The following SHISA6 variants were observed in gnomAD, a reference collection of about 807,000 sequenced individuals.
The protein encoded by SHISA6 is shisa family member 6.
Under a neutral mutation model 47.9 loss-of-function variants are expected in SHISA6, and 22 were observed. That is an observed-to-expected ratio of 0.46 (90% CI 0.33 to 0.66). SHISA6 has a LOEUF of 0.66. Ranked by LOEUF, SHISA6 falls within the 30% of genes least tolerant of loss-of-function variation. The pLI, the probability that SHISA6 is intolerant of heterozygous loss-of-function variation, is 0.02. For missense variants in SHISA6, 680 were observed against 764.6 expected, an observed-to-expected ratio of 0.89 and a Z score of 1.30; for synonymous variants, 388 against 337.8, an observed-to-expected ratio of 1.15 and a Z score of -1.63.
intron 2 of SHISA6, among the ~76,000 whole-genome samples, chr17:11,313,480 C>T (rs1184132326): frequency 2.0e-5 from 3 of 152,046 alleles, no homozygotes; most frequent in African/African-American, 7.2e-5. Flanking sequence ...TAAAGGTATT[C>T]TAGGGACATG....
In SHISA6 at chr17:11,477,272, T is replaced by C. The variant is rs559737399; in HGVS notation, c.896-74624T>C. On this transcript the variant is annotated intron_variant, in intron 3 of 5. Coordinates refer to ENST00000441885, the MANE Select transcript of SHISA6 (RefSeq NM_207386.4). ...CATTGATGTACAAAGCAATTACTGA[T>C]ATAGTTGGATTAGTATCTACCATAT... 1.8e-4 allele frequency among the ~76,000 whole-genome samples: 28 copies of C among 152,264 alleles called. 1 individual carries two copies. The South Asian group carries it at 5.6e-3, about 30-fold the overall frequency.
At chr17:11,366,737 G>T (rs1912463886) in intron 2 of SHISA6, among the ~76,000 whole-genome samples, 1 of 152,152 alleles carries the variant, frequency 6.6e-6, no homozygotes, top group Non-Finnish European at 1.5e-5. Flanking sequence ...GGGAGGAGAA[G>T]ATGAAGAGAG....
At chr17:11,447,691 G>A (rs1202045719) in intron 3 of SHISA6, among the ~76,000 whole-genome samples, 1 of 152,232 alleles carries the variant, frequency 6.6e-6, no homozygotes, top group Non-Finnish European at 1.5e-5. Context: ...TCACTCGGAT[G>A]GATTGACAGC....
intron 2 of SHISA6, among the ~76,000 whole-genome samples, chr17:11,304,637 C>T (rs543424932): frequency 6.6e-6 from 1 of 152,224 alleles, no homozygotes; most frequent in South Asian, 2.1e-4. Flanking sequence ...GGGACCACAG[C>T]ACCCTTTAGG....
intron 3 of SHISA6, among the ~76,000 whole-genome samples, chr17:11,539,385 A>G (rs952798268): frequency 2.0e-5 from 3 of 152,250 alleles, no homozygotes; most frequent in African/African-American, 7.2e-5. Flanking sequence ...ATCATGAAGA[A>G]TGGCAGACAC....
intron 3 of SHISA6, among the ~76,000 whole-genome samples, chr17:11,524,481 C>G (rs1478941461): frequency 6.6e-6 from 1 of 150,482 alleles, no homozygotes; most frequent in Non-Finnish European, 1.5e-5. Flanking sequence ...AATTTCTTTT[C>G]TTTTTTTCTT....
Position 11,242,038 on chromosome 17 carries a change from C to T in SHISA6, c.616C>T (p.Pro206Ser). 6.4e-7 allele frequency: 1 copy of T among 1,550,836 alleles called. No homozygotes were observed. Among genetic ancestry groups the T allele is most frequent in the Non-Finnish European group, 8.7e-7 (1 of 1,147,006 alleles). Residue 206 changes from proline (P) to serine (S), a missense_variant, in exon 1 of 6, where the codon CCA (proline) becomes TCA (serine). Physicochemically the swap from Pro to Ser is moderately conservative, Grantham distance 74. Around this residue, in one of 2 missense-constraint regions of SHISA6, gnomAD observed 559 missense variants for 674.1 expected, o/e 0.83. Coordinates refer to ENST00000441885, the MANE Select transcript of SHISA6 (RefSeq NM_207386.4). ...KVSYDKAHRP[P>S]REMNIHRALA... ...CTCCTACGACAAGGCCCACCGCCCT[C>T]CACGGGAGATGAACATCCACAGGTG...
At chr17:11,280,022 T>G (rs955914057) in intron 2 of SHISA6, among the ~76,000 whole-genome samples, 1 of 152,172 alleles carries the variant, frequency 6.6e-6, no homozygotes, top group African/African-American at 2.4e-5. Flanking sequence ...TCAAAAGGGC[T>G]GCTTGGGCGT....
At chr17:11,408,857 T>C (rs554740370) in intron 3 of SHISA6, among the ~76,000 whole-genome samples, 2 of 152,354 alleles carry the variant, frequency 1.3e-5, no homozygotes, top group Admixed American at 6.5e-5. Flanking sequence ...GTGAAACTTC[T>C]GAAAGCTAAT....
intron 2 of SHISA6, among the ~76,000 whole-genome samples, chr17:11,287,592 A>T (rs1020998916): frequency 7.3e-6 from 1 of 136,356 alleles, no homozygotes; most frequent in African/African-American, 2.8e-5. Context: ...GGATTACTTG[A>T]GTCCATAAGG....
chr17:11,455,201 A>C (rs901358280), intron 3 of SHISA6, among the ~76,000 whole-genome samples: 14 of 152,026 alleles, frequency 9.2e-5, no homozygotes, highest in Non-Finnish European at 1.6e-4. Flanking sequence ...AACAAAAAAA[A>C]CAGTTCAATG....
intron 3 of SHISA6, among the ~76,000 whole-genome samples, chr17:11,521,760 G>T (rs375831616): frequency 1.3e-5 from 2 of 152,100 alleles, no homozygotes; most frequent in South Asian, 2.1e-4. Context: ...CTAGGATCAC[G>T]CCTCTGCATT....
At chr17:11,335,234 G>A (rs927074973) in intron 2 of SHISA6, among the ~76,000 whole-genome samples, 6 of 152,120 alleles carry the variant, frequency 3.9e-5, no homozygotes, top group Non-Finnish European at 8.8e-5. Flanking sequence ...ATCCCATATC[G>A]CAGGCCTCTA....
intron 2 of SHISA6, among the ~76,000 whole-genome samples, chr17:11,347,435 G>C (rs1911737456): frequency 6.6e-6 from 1 of 152,172 alleles, no homozygotes; most frequent in Admixed American, 6.5e-5. Flanking sequence ...GGTAACTTTA[G>C]AGAGAACCTT....
chr17:11,248,421 G>T (rs933585920), intron 1 of SHISA6, among the ~76,000 whole-genome samples: 2 of 152,194 alleles, frequency 1.3e-5, no homozygotes, highest in Non-Finnish European at 2.9e-5. Flanking sequence ...TAGTGGGTGG[G>T]TGAGCTTGGA....
At chr17:11,427,752 G>T (rs1478455473) in intron 3 of SHISA6, among the ~76,000 whole-genome samples, 1 of 152,128 alleles carries the variant, frequency 6.6e-6, no homozygotes, top group Non-Finnish European at 1.5e-5. Context: ...CCAAAAGGAG[G>T]TGGAGAGGAC....
intron 3 of SHISA6, among the ~76,000 whole-genome samples, chr17:11,434,283 T>A (rs1407375914): frequency 2.0e-5 from 3 of 152,102 alleles, no homozygotes; most frequent in Non-Finnish European, 4.4e-5. Context: ...GAGACTGGTC[T>A]TGAACTCCTG....
intron 2 of SHISA6, among the ~76,000 whole-genome samples, chr17:11,266,061 C>T (rs1908414672): frequency 6.6e-6 from 1 of 152,212 alleles, no homozygotes; most frequent in Admixed American, 6.5e-5. Flanking sequence ...CAAGCCGCAG[C>T]TTCTACAGAT....
At chr17:11,276,451 C>T (rs1908895014) in intron 2 of SHISA6, among the ~76,000 whole-genome samples, 1 of 152,160 alleles carries the variant, frequency 6.6e-6, no homozygotes, top group African/African-American at 2.4e-5. Flanking sequence ...TTATTTTGAA[C>T]AATTTCAAAC....
Sources: gnomAD v4.1 joint callset for allele counts (sites outside exome capture counted in the v4.1 genomes callset) on GRCh38, gnomAD v4.1.1 for gene constraint, gnomAD v4.1.1 regional missense constraint, MANE v1.5 for transcripts, NCBI Gene and HGNC (gene_info 2026-07-23, HGNC 2026-07-21) for gene names.